FAM171A1: variants seen among roughly 807,000 people sequenced by gnomAD.
The protein encoded by FAM171A1 is family with sequence similarity 171 member A1, also known as protein FAM171A1.
FAM171A1 carries 23 observed loss-of-function variants against 74.9 expected under a neutral mutation model. That is an observed-to-expected ratio of 0.31 (90% CI 0.22 to 0.44). The LOEUF is 0.44. Among genes scored for constraint, FAM171A1 ranks in the 20% least tolerant of loss-of-function variants. The pLI is 1.00. For missense variants in FAM171A1, 1,162 were observed against 1,159.2 expected (o/e 1.00, Z -0.03); for synonymous variants, 527 against 505.7 (o/e 1.04, Z -0.57).
At chr10:15,373,888 G>A (rs1219541713), upstream of FAM171A1, among the ~76,000 whole-genome samples, 1 of 152,206 alleles carries the variant, frequency 6.6e-6, no homozygotes, top group Non-Finnish European at 1.5e-5. Flanking sequence ...AATCTTAACT[G>A]TATCAAGCTT....
chr10:15,282,895 C>T, intron 2 of FAM171A1, among the ~76,000 whole-genome samples: 1 of 152,166 alleles, frequency 6.6e-6, no homozygotes, highest in African/African-American at 2.4e-5. Flanking sequence ...CCTCCACCCT[C>T]TGCTGGAGAT....
At chr10:15,343,540 C>T (rs1041415830) in intron 1 of FAM171A1, among the ~76,000 whole-genome samples, 1 of 152,206 alleles carries the variant, frequency 6.6e-6, no homozygotes, top group African/African-American at 2.4e-5. Context: ...GAGAGGACGA[C>T]ATCTGAAGGG....
chr10:15,295,969 A>G (rs774556766), intron 1 of FAM171A1, among the ~76,000 whole-genome samples: 1 of 152,246 alleles, frequency 6.6e-6, no homozygotes, highest in Non-Finnish European at 1.5e-5. Flanking sequence ...TATTGTAAAA[A>G]TGTTACCTGA....
intron 1 of FAM171A1, among the ~76,000 whole-genome samples, chr10:15,351,068 C>A (rs1423136494): frequency 1.3e-5 from 2 of 152,152 alleles, no homozygotes; most frequent in Non-Finnish European, 2.9e-5. Context: ...TTTCTCACAC[C>A]TAGACTGCTT....
chr10:15,282,838 T>G (rs1834987406), intron 2 of FAM171A1, among the ~76,000 whole-genome samples: 1 of 152,192 alleles, frequency 6.6e-6, no homozygotes. Context: ...AAAGGCCACC[T>G]GTCCTGTTGT....
intron 1 of FAM171A1, among the ~76,000 whole-genome samples, chr10:15,336,879 T>G (rs955351184): frequency 6.6e-6 from 1 of 151,306 alleles, no homozygotes; most frequent in Non-Finnish European, 1.5e-5. Context: ...TCAGGATCAC[T>G]GTGTACCATG....
At chr10:15,279,212 C>T (rs539783723) in intron 2 of FAM171A1, among the ~76,000 whole-genome samples, 5 of 152,254 alleles carry the variant, frequency 3.3e-5, no homozygotes, top group African/African-American at 1.2e-4. Flanking sequence ...ATATTTGGTA[C>T]TTTCATATAT....
chr10:15,330,350 C>T (rs1246564196), intron 1 of FAM171A1, among the ~76,000 whole-genome samples: 2 of 152,030 alleles, frequency 1.3e-5, no homozygotes, highest in East Asian at 1.9e-4. Context: ...ATTATTTTAC[C>T]ACAGTGTCAA....
At chr10:15,333,761 G>C (rs1835668876) in intron 1 of FAM171A1, among the ~76,000 whole-genome samples, 1 of 151,944 alleles carries the variant, frequency 6.6e-6, no homozygotes, top group African/African-American at 2.4e-5. Context: ...GCTTGAGGCT[G>C]GGAGGCAGAG....
At chr10:15,246,584 C>T (rs955955979) in intron 5 of FAM171A1, among the ~76,000 whole-genome samples, 2 of 152,142 alleles carry the variant, frequency 1.3e-5, no homozygotes, top group Non-Finnish European at 2.9e-5. Flanking sequence ...TGCAGTGATG[C>T]GATCTTGGCT....
chr10:15,266,284 G>A (rs1039621555), intron 3 of FAM171A1, among the ~76,000 whole-genome samples: 6 of 152,124 alleles, frequency 3.9e-5, no homozygotes, highest in East Asian at 1.9e-4. Flanking sequence ...TCCCACCTGC[G>A]GCCACACTAT....
intron 1 of FAM171A1, among the ~76,000 whole-genome samples, chr10:15,295,227 C>A (rs531569093): frequency 2.0e-5 from 3 of 152,166 alleles, no homozygotes; most frequent in Admixed American, 2.0e-4. Context: ...CGTGAGCCAC[C>A]ACGCCCGGCC....
chr10:15,320,771 T>C (rs1192032596), intron 1 of FAM171A1, among the ~76,000 whole-genome samples: 1 of 152,240 alleles, frequency 6.6e-6, no homozygotes, highest in Non-Finnish European at 1.5e-5. Context: ...AGAAGTGAGA[T>C]TGGCCATTTT....
intron 1 of FAM171A1, among the ~76,000 whole-genome samples, chr10:15,370,732 TCCCCGGCCCCCGAA>T (rs1426298974): frequency 1.1e-5 from 1 of 93,002 alleles, no homozygotes; most frequent in Non-Finnish European, 2.3e-5. Context: ...CAGCCCCCGA[TCCCCGGCCCCCGAA>T]GCCTCCGCCC....
At chr10:15,349,227 G>A (rs537091013) in intron 1 of FAM171A1, among the ~76,000 whole-genome samples, 4 of 152,302 alleles carry the variant, frequency 2.6e-5, no homozygotes, top group Admixed American at 6.5e-5. Flanking sequence ...CAGGGCTAGA[G>A]GTACACACCT....
intron 5 of FAM171A1, among the ~76,000 whole-genome samples, chr10:15,232,641 A>C (rs1452918865): frequency 2.0e-5 from 3 of 152,166 alleles, no homozygotes; most frequent in Non-Finnish European, 4.4e-5. Context: ...CCCCAAACGA[A>C]CTGTATGGAC....
chr10:15,253,772 G>A (rs1834539668), intron 4 of FAM171A1, among the ~76,000 whole-genome samples: 1 of 152,114 alleles, frequency 6.6e-6, no homozygotes, highest in African/African-American at 2.4e-5. Flanking sequence ...TTTAAAGTGT[G>A]GGGGAAAGGA....
chr10:15,278,394 C>T (rs1206028044), intron 2 of FAM171A1, among the ~76,000 whole-genome samples: 2 of 152,138 alleles, frequency 1.3e-5, no homozygotes, highest in African/African-American at 4.8e-5. Context: ...AATTCCACTC[C>T]TACGTATAAA....
At chr10:15,337,854 G>A (rs1319391346) in intron 1 of FAM171A1, among the ~76,000 whole-genome samples, 7 of 152,142 alleles carry the variant, frequency 4.6e-5, no homozygotes, top group Admixed American at 4.6e-4. Flanking sequence ...GGGAGGCTGA[G>A]GCAGGAGAAT....
Sources: allele counts gnomAD v4.1 joint callset (sites outside exome capture counted in the v4.1 genomes callset), GRCh38; gene constraint gnomAD v4.1.1; transcripts MANE v1.5; gene names NCBI Gene and HGNC (gene_info 2026-07-23, HGNC 2026-07-21).